LRMDA: variants seen among roughly 807,000 people sequenced by gnomAD.
LRMDA encodes leucine rich melanocyte differentiation associated.
Under a neutral mutation model 29.8 loss-of-function variants are expected in LRMDA, and 18 were observed. The observed-to-expected ratio is 0.60, with a 90% CI of 0.42 to 0.90. The LOEUF (loss-of-function observed/expected upper bound fraction) is 0.90. Ranked by LOEUF, LRMDA falls within the 40% of genes least tolerant of loss-of-function variation. The pLI is 0.00. For synonymous variants in LRMDA, 125 were observed against 109.4 expected (o/e 1.14, Z -0.89); for missense variants, 273 against 273.9 (o/e 1.00, Z 0.02).
chr10:76,049,661 T>C (rs1347220764), intron 4 of LRMDA, among the ~76,000 whole-genome samples: 2 of 152,236 alleles, frequency 1.3e-5, no homozygotes, highest in Non-Finnish European at 2.9e-5. Flanking sequence ...TGTGCTCCAT[T>C]TGCCACTGAG....
intron 5 of LRMDA, among the ~76,000 whole-genome samples, chr10:76,200,542 G>A (rs1406587108): frequency 7.2e-5 from 11 of 151,740 alleles, no homozygotes; most frequent in Admixed American, 6.6e-4. Flanking sequence ...ATGGTCATAT[G>A]GGTTTGTAGG....
At chr10:75,550,741 T>C (rs1432136291) in intron 2 of LRMDA, among the ~76,000 whole-genome samples, 1 of 152,116 alleles carries the variant, frequency 6.6e-6, no homozygotes, top group Non-Finnish European at 1.5e-5. Context: ...TTTCCTTCTT[T>C]TCCTGCCTTC....
At chr10:75,976,775 G>A (rs570844184) in intron 2 of LRMDA, among the ~76,000 whole-genome samples, 1 of 152,300 alleles carries the variant, frequency 6.6e-6, no homozygotes, top group South Asian at 2.1e-4. Flanking sequence ...GAATGCAGTA[G>A]CTCAAGGGCA....
intron 2 of LRMDA, among the ~76,000 whole-genome samples, chr10:75,545,202 G>A (rs1002791348): frequency 2.0e-5 from 3 of 152,066 alleles, no homozygotes; most frequent in Non-Finnish European, 4.4e-5. Flanking sequence ...TAATTATCAC[G>A]TCTGAAATGT....
chr10:75,504,490 A>G (rs1383139965), intron 2 of LRMDA, among the ~76,000 whole-genome samples: 1 of 152,190 alleles, frequency 6.6e-6, no homozygotes, highest in Non-Finnish European at 1.5e-5. Context: ...TGGAAAAATA[A>G]GTCATATCAA....
intron 5 of LRMDA, among the ~76,000 whole-genome samples, chr10:76,184,040 T>A (rs1037054570): frequency 6.0e-5 from 9 of 151,260 alleles, no homozygotes; most frequent in Middle Eastern, 3.4e-3. Context: ...TTTATTTTTT[T>A]TTTTTTTGGA....
chr10:76,082,086 T>A (rs1191191691), intron 5 of LRMDA, among the ~76,000 whole-genome samples: 2 of 152,116 alleles, frequency 1.3e-5, no homozygotes, highest in South Asian at 4.2e-4. Flanking sequence ...ACCTGAGGAT[T>A]TTTTTCAACC....
At chr10:75,893,629 C>G (rs1348856123) in intron 2 of LRMDA, among the ~76,000 whole-genome samples, 1 of 152,096 alleles carries the variant, frequency 6.6e-6, no homozygotes, top group African/African-American at 2.4e-5. Context: ...ACTCATTGGG[C>G]ATCTGTGTGT....
intron 6 of LRMDA, among the ~76,000 whole-genome samples, chr10:76,550,687 G>A (rs1843484015): frequency 6.6e-6 from 1 of 151,500 alleles, no homozygotes; most frequent in East Asian, 1.9e-4. Flanking sequence ...AAGGTGTAGA[G>A]CCTTTCTTCA....
At chr10:75,654,611 AGTTT>A (rs1421264110) in intron 2 of LRMDA, among the ~76,000 whole-genome samples, 3 of 152,298 alleles carry the variant, frequency 2.0e-5, no homozygotes. Flanking sequence ...AAGATTTGCC[AGTTT>A]GTTTGTCTTA....
At chr10:75,502,460 A>C (rs746825013) in intron 2 of LRMDA, among the ~76,000 whole-genome samples, 1 of 152,012 alleles carries the variant, frequency 6.6e-6, no homozygotes, top group Non-Finnish European at 1.5e-5. Context: ...AGTTGAATTA[A>C]TGGGGCCAAT....
rs149840105 is a variant in LRMDA, at chr10:75,725,421, C to T, written c.131+286927C>T. 5.0e-4 allele frequency among the ~76,000 whole-genome samples: 76 copies of T among 152,314 alleles called. No individual in the cohort carries two copies. In the East Asian group the frequency reaches 0.013, roughly 26 times the overall value. ...AGTCAAAGGGTCCTTTAAAAGGTCTCATACCTTGGGAGCAAATGGGCCTGG... is the reference window on the plus strand; with the variant it reads ...AGTCAAAGGGTCCTTTAAAAGGTCTTATACCTTGGGAGCAAATGGGCCTGG... On this transcript the variant is annotated intron_variant, in intron 2 of 6. Transcript: ENST00000611255.
At chr10:76,532,126 A>G (rs935747803) in intron 6 of LRMDA, among the ~76,000 whole-genome samples, 1 of 152,084 alleles carries the variant, frequency 6.6e-6, no homozygotes, top group African/African-American at 2.4e-5. Context: ...TGCTGCACCC[A>G]TCAACCCGTC....
intron 2 of LRMDA, among the ~76,000 whole-genome samples, chr10:75,879,722 G>A (rs1030908326): frequency 7.9e-5 from 12 of 152,254 alleles, no homozygotes; most frequent in African/African-American, 2.9e-4. Context: ...TTGCAGGGAG[G>A]TGTTTTATTT....
chr10:75,546,030 G>A (rs1840077575), intron 2 of LRMDA, among the ~76,000 whole-genome samples: 1 of 152,192 alleles, frequency 6.6e-6, no homozygotes, highest in South Asian at 2.1e-4. Flanking sequence ...TATCCAGAAG[G>A]TCTTGGGCTT....
chr10:76,529,482 G>T (rs1843211958), intron 6 of LRMDA, among the ~76,000 whole-genome samples: 2 of 152,124 alleles, frequency 1.3e-5, no homozygotes, highest in Admixed American at 6.5e-5. Flanking sequence ...TTGCACCCAA[G>T]TTATCTGCCT....
At chr10:75,476,631 G>T (rs917175734) in intron 2 of LRMDA, among the ~76,000 whole-genome samples, 1 of 152,136 alleles carries the variant, frequency 6.6e-6, no homozygotes, top group African/African-American at 2.4e-5. Flanking sequence ...CAACCTTGGA[G>T]CCAGCAGATG....
At chr10:76,238,025 AGG>A (rs1349600678) in intron 5 of LRMDA, among the ~76,000 whole-genome samples, 1 of 152,008 alleles carries the variant, frequency 6.6e-6, no homozygotes, top group Non-Finnish European at 1.5e-5. Context: ...TCCTGACCTC[AGG>A]TGATCCACCC....
At chr10:75,698,554 G>A (rs1842267023) in intron 2 of LRMDA, among the ~76,000 whole-genome samples, 1 of 152,148 alleles carries the variant, frequency 6.6e-6, no homozygotes. Context: ...TGGCACATGG[G>A]CAGGGGTGGT....
Sources: allele counts gnomAD v4.1 joint callset (sites outside exome capture counted in the v4.1 genomes callset), GRCh38; gene constraint gnomAD v4.1.1; transcripts MANE v1.5; gene names NCBI Gene and HGNC (gene_info 2026-07-23, HGNC 2026-07-21).